MYT1L: variants seen among roughly 807,000 people sequenced by gnomAD.
MYT1L encodes myelin transcription factor 1-like protein.
In MYT1L, 12 loss-of-function variants were observed where a neutral mutation model predicts 126.7. That is an observed-to-expected ratio of 0.09 (90% CI 0.06 to 0.15). MYT1L has a LOEUF of 0.15. Ranked by LOEUF, MYT1L falls within the 10% of genes least tolerant of loss-of-function variation. MYT1L has a pLI of 1.00. For missense variants in MYT1L, 979 were observed against 1,585.2 expected (o/e 0.62, Z 6.49); for synonymous variants, 541 against 604.2 (o/e 0.90, Z 1.53).
chr2:1,868,273 T>C (rs1244621710), intron 18 of MYT1L, among the ~76,000 whole-genome samples: 1 of 152,230 alleles, frequency 6.6e-6, no homozygotes, highest in Non-Finnish European at 1.5e-5. Flanking sequence ...TTGGCTCTGA[T>C]GTTTAAGAAA....
intron 10 of MYT1L, among the ~76,000 whole-genome samples, chr2:1,918,206 T>C (rs1014197954): frequency 1.3e-4 from 20 of 152,308 alleles, no homozygotes; most frequent in African/African-American, 4.1e-4. Flanking sequence ...TGTAATGATA[T>C]TGCTAATAAA....
At chr2:1,934,187 G>A (rs1272327077) in intron 9 of MYT1L, among the ~76,000 whole-genome samples, 2 of 151,200 alleles carry the variant, frequency 1.3e-5, no homozygotes, top group East Asian at 2.0e-4. Flanking sequence ...TGTTAGCCAG[G>A]ATGGTCTCGA....
intron 1 of MYT1L, among the ~76,000 whole-genome samples, chr2:2,311,436 A>G (rs1316791270): frequency 6.6e-6 from 1 of 152,190 alleles, no homozygotes; most frequent in African/African-American, 2.4e-5. Context: ...AGATCCCAAG[A>G]TGTGAGATGT....
intron 3 of MYT1L, among the ~76,000 whole-genome samples, chr2:2,091,499 CAT>C (rs2076918334): frequency 1.3e-5 from 2 of 152,262 alleles, no homozygotes; most frequent in South Asian, 2.1e-4. Flanking sequence ...GTAGGTTTAG[CAT>C]AACAATTAAG....
intron 3 of MYT1L, among the ~76,000 whole-genome samples, chr2:2,171,229 G>C (rs2148529903): frequency 6.6e-6 from 1 of 152,276 alleles, no homozygotes; most frequent in African/African-American, 2.4e-5. Flanking sequence ...CAAAGGTGAT[G>C]CCTCAGCTGA....
intron 3 of MYT1L, among the ~76,000 whole-genome samples, chr2:2,120,959 T>A (rs915128708): frequency 5.2e-4 from 79 of 152,146 alleles, no homozygotes; most frequent in African/African-American, 1.6e-3. Flanking sequence ...TGAACCTGTG[T>A]GTTAGACCCA....
chr2:2,290,653 C>T (rs1211486635), intron 1 of MYT1L, among the ~76,000 whole-genome samples: 1 of 152,188 alleles, frequency 6.6e-6, no homozygotes, highest in Non-Finnish European at 1.5e-5. Context: ...CATGCTCTGA[C>T]GTAGAGGCAG....
chr2:2,054,830 G>C (rs1020557262), intron 3 of MYT1L, among the ~76,000 whole-genome samples: 11 of 151,784 alleles, frequency 7.2e-5, no homozygotes, highest in Admixed American at 5.2e-4. Context: ...AACACACAGA[G>C]ATGATGAGAG....
At chr2:2,317,943 A>G (rs1304465999) in intron 1 of MYT1L, among the ~76,000 whole-genome samples, 1 of 152,228 alleles carries the variant, frequency 6.6e-6, no homozygotes. Flanking sequence ...GGCCCAAGCC[A>G]CATGCTCCCC....
At chr2:2,089,900 G>A (rs911139570) in intron 3 of MYT1L, among the ~76,000 whole-genome samples, 4 of 152,110 alleles carry the variant, frequency 2.6e-5, no homozygotes, top group African/African-American at 9.7e-5. Flanking sequence ...TAACACCCTT[G>A]CACTCAGTCC....
intron 8 of MYT1L, among the ~76,000 whole-genome samples, chr2:1,946,522 TTCA>T (rs1254963520): frequency 6.6e-6 from 1 of 152,072 alleles, no homozygotes; most frequent in Non-Finnish European, 1.5e-5. Flanking sequence ...AGGGAGTCCC[TTCA>T]TCAATTTGGA....
intron 10 of MYT1L, among the ~76,000 whole-genome samples, chr2:1,921,494 T>C (rs2053567765): frequency 6.6e-6 from 1 of 152,208 alleles, no homozygotes; most frequent in Non-Finnish European, 1.5e-5. Context: ...TATGCAAACA[T>C]GTGCCCACAT....
At chr2:2,279,288 A>T (rs1163175205) in intron 2 of MYT1L, among the ~76,000 whole-genome samples, 1 of 152,154 alleles carries the variant, frequency 6.6e-6, no homozygotes, top group Non-Finnish European at 1.5e-5. Context: ...TTTCAAGGCT[A>T]TGCCTGATTG....
At chr2:2,057,590 T>G (rs2069772547) in intron 3 of MYT1L, among the ~76,000 whole-genome samples, 1 of 152,160 alleles carries the variant, frequency 6.6e-6, no homozygotes, top group Non-Finnish European at 1.5e-5. Flanking sequence ...GCCACACCCA[T>G]ATTCCTTCCC....
intron 5 of MYT1L, among the ~76,000 whole-genome samples, chr2:1,981,152 C>T (rs2060579884): frequency 6.6e-6 from 1 of 152,070 alleles, no homozygotes; most frequent in Admixed American, 6.5e-5. Flanking sequence ...TGGACAGTGC[C>T]TGATTTAATG....
rs1316121279 is a variant in MYT1L at position 1,966,954 on chromosome 2, T to TCCC, written c.152+12210_152+12211insGGG. Among the ~76,000 whole-genome samples the TCCC allele has an allele frequency of 2.0e-3, 309 of 152,350 alleles. 1 individual carries two copies. Among genetic ancestry groups the TCCC allele is most frequent in the African/African-American group, 7.1e-3 (295 of 41,584 alleles). ...AATAGATTATTTTTTTTCTCACTTT[T>TCCC]TAGCTAGATGTGTTGATACTGGGAA... On this transcript the variant is annotated intron_variant, in intron 8 of 24. Transcript: ENST00000647738.
chr2:1,911,730 C>T (rs1027382668), intron 12 of MYT1L, among the ~76,000 whole-genome samples: 14 of 152,178 alleles, frequency 9.2e-5, no homozygotes, highest in African/African-American at 3.4e-4. Flanking sequence ...GTCTTCACCT[C>T]GGAGGACAGC....
At chr2:2,137,472 G>C (rs2083235070) in intron 3 of MYT1L, among the ~76,000 whole-genome samples, 1 of 152,102 alleles carries the variant, frequency 6.6e-6, no homozygotes, top group Non-Finnish European at 1.5e-5. Flanking sequence ...AAACAGCATG[G>C]TACTGGTACC....
chr2:2,004,242 C>CATTCTTTCCTGCATGT (rs2062820512), intron 4 of MYT1L, among the ~76,000 whole-genome samples: 1 of 135,080 alleles, frequency 7.4e-6, no homozygotes, highest in Non-Finnish European at 1.7e-5. Flanking sequence ...TTCCTGCAGG[C>CATTCTTTCCTGCATGT]GTTCTTTCCT....
Sources: allele counts gnomAD v4.1 joint callset (sites outside exome capture counted in the v4.1 genomes callset), GRCh38; gene constraint gnomAD v4.1.1; transcripts MANE v1.5; gene names NCBI Gene and HGNC (gene_info 2026-07-23, HGNC 2026-07-21).